Variants in SLFN12L observed in about 807,000 individuals in gnomAD.
SLFN12L encodes schlafen family member 12 like.
A neutral mutation model predicts 34.8 loss-of-function variants in SLFN12L; 34 were observed. The observed-to-expected ratio is 0.98, with a 90% confidence interval of 0.74 to 1.30. The LOEUF (loss-of-function observed/expected upper bound fraction) is 1.30. SLFN12L is among the 50% of genes most tolerant of loss of function. The pLI is 0.00. For missense variants in SLFN12L, 703 were observed against 696.2 expected, an observed-to-expected ratio of 1.01 and a Z score of -0.11; for synonymous variants, 259 against 247.5, an observed-to-expected ratio of 1.05 and a Z score of -0.44.
At chr17:35,519,379 C>A (rs2142166385) in intron 2 of SLFN12L, among the ~76,000 whole-genome samples, 1 of 152,250 alleles carries the variant, frequency 6.6e-6, no homozygotes, top group East Asian at 1.9e-4. Flanking sequence ...AAAGAAAGAG[C>A]TTCCAATGGC....
chr17:35,469,200 G>A lies in SLFN12L; in HGVS notation c.*5723C>T, dbSNP rs968622090. 1.4e-5 allele frequency among the ~76,000 whole-genome samples: 2 copies of A among 147,466 alleles called. No homozygotes were observed. Among genetic ancestry groups the A allele is most frequent in the African/African-American group, 5.0e-5 (2 of 39,652 alleles). ...CTCTGACCATGACCACTCCTCCTTG[G>A]TTATACACACACGCTAGTCTACACA... On this transcript the variant is annotated 3_prime_UTR_variant, in exon 5 of 5. Coordinates refer to ENST00000628453, the MANE Select transcript of SLFN12L (RefSeq NM_001363830.2).
At chr17:35,477,787 A>G (rs1312401595) in intron 4 of SLFN12L, among the ~76,000 whole-genome samples, 1 of 152,120 alleles carries the variant, frequency 6.6e-6, no homozygotes, top group Non-Finnish European at 1.5e-5. Flanking sequence ...AAGATGTGGC[A>G]TTTCCAATAT....
At chr17:35,478,271 C>A (rs1450237691) in intron 3 of SLFN12L, 86 bp from the exon 4 acceptor site, 1 of 801,126 alleles carries the variant, frequency 1.2e-6, no homozygotes, top group Non-Finnish European at 2.0e-6. Context: ...GTATACCAAA[C>A]GTCTACTTAG....
chr17:35,478,044 A>G (rs1234877628), intron 4 of SLFN12L, 31 bp downstream of exon 4: 3 of 1,405,454 alleles, frequency 2.1e-6, no homozygotes, highest in East Asian at 2.5e-5. Flanking sequence ...CAGTTACACC[A>G]ACAACTCCAC....
chr17:35,489,926 A>C, intron 2 of SLFN12L: 1 of 1,155,824 alleles, frequency 8.7e-7, no homozygotes, highest in Non-Finnish European at 1.3e-6. Flanking sequence ...CTTATGCTCC[A>C]AGTGGGACAA....
Position 35,522,569 on chromosome 17 carries a change from G to C in SLFN12L, c.-205C>G. The C allele has an allele frequency of 6.2e-7, 1 of 1,608,960 alleles. No individual in the cohort carries two copies. The highest frequency in any genetic ancestry group is 8.5e-7 in the Non-Finnish European group (1 of 1,177,548). The stretch of plus-strand genomic sequence containing the variant: ...ACTGCAGCAGGGCTTCCAATGTGCT[G>C]GGTGCCTGCAAAACTATAGGACGCA... On this transcript the variant is annotated 5_prime_UTR_variant, in exon 2 of 5. Coordinates refer to ENST00000628453, the MANE Select transcript of SLFN12L (RefSeq NM_001363830.2).
At chr17:35,537,223 C>G (rs1005273151) in intron 1 of SLFN12L, among the ~76,000 whole-genome samples, 2 of 152,112 alleles carry the variant, frequency 1.3e-5, no homozygotes, top group Admixed American at 1.3e-4. Flanking sequence ...CCTCCCAAGT[C>G]TCCTCACTTG....
chr17:35,476,859 A>G (rs1212637177), intron 4 of SLFN12L, among the ~76,000 whole-genome samples: 1 of 152,196 alleles, frequency 6.6e-6, no homozygotes, highest in African/African-American at 2.4e-5. Flanking sequence ...TTTGTAATCC[A>G]TAATACTATA....
At chr17:35,496,841 A>G (rs922779008) in intron 2 of SLFN12L, among the ~76,000 whole-genome samples, 1 of 152,126 alleles carries the variant, frequency 6.6e-6, no homozygotes, top group Non-Finnish European at 1.5e-5. Context: ...CGGGTCACCC[A>G]TTCAGCAAAA....
At chr17:35,524,100 T>C (rs1459311208) in intron 1 of SLFN12L, among the ~76,000 whole-genome samples, 1 of 152,242 alleles carries the variant, frequency 6.6e-6, no homozygotes, top group Admixed American at 6.5e-5. Flanking sequence ...TTGTTCATTG[T>C]TGCTTGTGCT....
At chr17:35,476,721 T>C (rs748086399) in intron 4 of SLFN12L, among the ~76,000 whole-genome samples, 2 of 151,296 alleles carry the variant, frequency 1.3e-5, no homozygotes, top group Non-Finnish European at 2.9e-5. Flanking sequence ...TAAAAGCTAC[T>C]ATACCTAGAA....
chr17:35,531,678 GCGATCTCGGTT>G (rs2072412374), intron 1 of SLFN12L, among the ~76,000 whole-genome samples: 2 of 151,950 alleles, frequency 1.3e-5, no homozygotes, highest in Admixed American at 6.6e-5. Flanking sequence ...GTGCAGTGGC[GCGATCTCGGTT>G]CACTGCAACC....
At chr17:35,526,699 A>T (rs2072338564) in intron 1 of SLFN12L, among the ~76,000 whole-genome samples, 1 of 152,192 alleles carries the variant, frequency 6.6e-6, no homozygotes, top group African/African-American at 2.4e-5. Flanking sequence ...TCTGGGACAC[A>T]TTTAAAGCAG....
rs576594601 is a variant in SLFN12L at position 35,474,944 on chromosome 17, AAACC to A, written c.1814_1817del (p.Trp605LeufsTer6). ...AGACTCATCTCAAGAAAAAACAAAC[AAACC>A]AACAAACAAACAAACAAAAACGAAA... On this transcript the variant is annotated frameshift_variant, in exon 5 of 5. Transcript: ENST00000628453. LOFTEE classifies it high-confidence loss of function. The A allele has an allele frequency of 9.5e-5, 147 of 1,549,304 alleles. No individual in the cohort carries two copies. In the African/African-American group the frequency reaches 1.9e-3, roughly 20 times the overall value.
chr17:35,512,388 C>T (rs1250339320), intron 2 of SLFN12L, among the ~76,000 whole-genome samples: 5 of 92,484 alleles, frequency 5.4e-5, no homozygotes, highest in Non-Finnish European at 1.0e-4. Context: ...TTTTTTGAAA[C>T]GGAGTCTCGC....
At chr17:35,489,598 A>AC (rs1018739493) in intron 2 of SLFN12L, among the ~76,000 whole-genome samples, 1 of 151,562 alleles carries the variant, frequency 6.6e-6, no homozygotes, top group African/African-American at 2.4e-5. Flanking sequence ...GCAGCAATAT[A>AC]CCCCCCAAAA....
At chr17:35,502,234 A>AGTTGTC (rs1915319043) in intron 2 of SLFN12L, among the ~76,000 whole-genome samples, 1 of 152,154 alleles carries the variant, frequency 6.6e-6, no homozygotes, top group Non-Finnish European at 1.5e-5. Flanking sequence ...CAGTGTAAAC[A>AGTTGTC]AGGGGGTATC....
rs2072388103 is a variant in SLFN12L, at chr17:35,530,429, GGGA to G, written c.-606+7141_-606+7143del. Among the ~76,000 whole-genome samples, 50 of 8,788 alleles carry G rather than the reference GGGA, an allele frequency of 5.7e-3. 8 individuals are homozygous for G. Among genetic ancestry groups the G allele is most frequent in the African/African-American group, 0.013 (50 of 3,894 alleles). The allele number at this position is 8,788 out of a possible 152,430, so 5.8% of individuals were successfully genotyped here. A position where few individuals can be genotyped will look rare whatever the true frequency, so the allele number is the denominator to read the frequency against. On this transcript the variant is annotated intron_variant, in intron 1 of 4. Coordinates refer to ENST00000628453, the MANE Select transcript of SLFN12L (RefSeq NM_001363830.2). ...AGGAAGGAAGGAAGGAAGGAAGGAA[GGGA>G]AGGGAAGGGAAGAAAGAAAGAAAGA...
rs1003194425 is a variant in SLFN12L at position 35,471,383 on chromosome 17, C to G, written c.*3540G>C. Among the ~76,000 whole-genome samples, 1 of 152,084 alleles carries G rather than the reference C, an allele frequency of 6.6e-6. No homozygotes were observed. The highest frequency in any genetic ancestry group is 6.6e-5 in the Admixed American group (1 of 15,264). On this transcript the variant is annotated 3_prime_UTR_variant, in exon 5 of 5. Coordinates refer to ENST00000628453, the MANE Select transcript of SLFN12L (RefSeq NM_001363830.2). The stretch of plus-strand genomic sequence containing the variant: ...AACTCCTGGCCTCAGGTGATCCACC[C>G]GCCTCAGCCTCCCAAAGTGCTGGGA...
Sources: gnomAD v4.1 joint callset for allele counts (sites outside exome capture counted in the v4.1 genomes callset) on GRCh38, gnomAD v4.1.1 for gene constraint, MANE v1.5 for transcripts, NCBI Gene and HGNC (gene_info 2026-07-23, HGNC 2026-07-21) for gene names.